SPATA6L: variants seen among roughly 807,000 people sequenced by gnomAD.
The protein encoded by SPATA6L is spermatogenesis associated 6-like protein.
SPATA6L carries 68 observed loss-of-function variants against 49.2 expected under a neutral mutation model. That is an observed-to-expected ratio of 1.38 (90% CI 1.14 to 1.69). The LOEUF is 1.69. SPATA6L is among the 40% of genes most tolerant of loss of function. The probability of loss-of-function intolerance (pLI) is 0.00; values close to 1 mark genes in which losing one functional copy is unlikely to be tolerated. For missense variants in SPATA6L, 668 were observed against 464.3 expected (o/e 1.44, Z -4.03); for synonymous variants, 198 against 165.7 (o/e 1.19, Z -1.50).
At chr9:4,630,064 G>A (rs1468951825) in intron 4 of SPATA6L, among the ~76,000 whole-genome samples, 1 of 151,918 alleles carries the variant, frequency 6.6e-6, no homozygotes, top group Non-Finnish European at 1.5e-5. Flanking sequence ...AAAGGTTACA[G>A]ACTGTATGAT....
intron 9 of SPATA6L, among the ~76,000 whole-genome samples, chr9:4,611,541 C>T (rs1309313009): frequency 5.4e-5 from 8 of 148,508 alleles, no homozygotes; most frequent in African/African-American, 7.8e-5. Flanking sequence ...AGTAAACTAT[C>T]GCAAGAACAA....
chr9:4,659,416 C>A (rs1307344265), intron 2 of SPATA6L, among the ~76,000 whole-genome samples: 3 of 151,728 alleles, frequency 2.0e-5, no homozygotes, highest in African/African-American at 7.3e-5. Flanking sequence ...TGAGTGAACT[C>A]CTATTCACAA....
At position 4,618,896 on chromosome 9, in the gene SPATA6L, A is replaced by C. The variant is rs374786233; in HGVS notation, c.775T>G (p.Ser259Ala). The change falls in exon 8 of 12, where the codon TCT (serine) becomes GCT (alanine). Residue 259 changes from serine to alanine, a missense_variant and splice_region_variant. Physicochemically the swap from Ser to Ala is moderately conservative, Grantham distance 99. Transcript: ENST00000682582. The part of the protein sequence containing the change: ...SDFPFPTRRA[S>A]SLDSLAANVK... Reference sequence around the variant, plus strand: ...TTAGCTGCAAGGCTGTCAAGAGAAGAAGCTAGAAGAAAGAGGAACAGGCAT... The same window carrying C: ...TTAGCTGCAAGGCTGTCAAGAGAAGCAGCTAGAAGAAAGAGGAACAGGCAT... The C allele has an allele frequency of 1.2e-4, 192 of 1,613,272 alleles. No individual in the cohort carries two copies. The highest frequency in any genetic ancestry group is 1.4e-4 in the Non-Finnish European group (171 of 1,179,514).
At chr9:4,660,416 C>G (rs1431138259) in intron 2 of SPATA6L, among the ~76,000 whole-genome samples, 1 of 152,202 alleles carries the variant, frequency 6.6e-6, no homozygotes, top group Non-Finnish European at 1.5e-5. Flanking sequence ...ACACAGCCAA[C>G]AGACACATGA....
rs35908661 is a variant in SPATA6L, at chr9:4,629,769, G to GTATATATATATA, written c.352-613_352-602dup. 9.1e-3 allele frequency among the ~76,000 whole-genome samples: 923 copies of GTATATATATATA among 101,796 alleles called. 17 individuals are homozygous for GTATATATATATA. Among genetic ancestry groups the GTATATATATATA allele is most frequent in the African/African-American group, 0.018 (356 of 20,090 alleles). The allele number at this position is 101,796 out of a possible 152,430, so 66.8% of individuals were successfully genotyped here. On this transcript the variant is annotated intron_variant, in intron 4 of 11. Coordinates refer to ENST00000682582, the MANE Select transcript of SPATA6L (RefSeq NM_001353486.2). ...GTGTTTTATATATGTGTGTGTGTGTGTATATATATATATATATATATATAT... is the reference window on the plus strand; with the variant it reads ...GTGTTTTATATATGTGTGTGTGTGTGTATATATATATATATATATATATATATATATATATAT...
chr9:4,634,321 T>C lies in SPATA6L; in HGVS notation c.351+954A>G, dbSNP rs193035888. Among the ~76,000 whole-genome samples the C allele has an allele frequency of 8.1e-3, 1,235 of 152,352 alleles. 5 individuals are homozygous for C. Among genetic ancestry groups the C allele is most frequent in the Middle Eastern group, 0.014 (4 of 294 alleles). ...TCACATGTACCATGGATTTAAATGA[T>C]ACATGAAGATCTTGGAGAAACAAAG... On this transcript the variant is annotated intron_variant, in intron 4 of 11. Coordinates refer to ENST00000682582, the MANE Select transcript of SPATA6L (RefSeq NM_001353486.2).
At chr9:4,658,144 G>C (rs2130775604) in intron 2 of SPATA6L, among the ~76,000 whole-genome samples, 1 of 152,296 alleles carries the variant, frequency 6.6e-6, no homozygotes, top group African/African-American at 2.4e-5. Flanking sequence ...AGAACAGTGA[G>C]ATGATATGTT....
chr9:4,639,159 C>G (rs1666526538), intron 3 of SPATA6L, among the ~76,000 whole-genome samples: 2 of 152,174 alleles, frequency 1.3e-5, no homozygotes, highest in South Asian at 4.1e-4. Flanking sequence ...CCTACCATTA[C>G]CACGATTGCT....
intron 9 of SPATA6L, among the ~76,000 whole-genome samples, chr9:4,608,944 T>A (rs1023724660): frequency 1.3e-5 from 2 of 151,900 alleles, no homozygotes; most frequent in African/African-American, 4.8e-5. Flanking sequence ...ATAGACGCAA[T>A]ATAAAATGAT....
chr9:4,625,443 G>C lies in SPATA6L; in HGVS notation c.553C>G (p.Arg185Gly), dbSNP rs367658761. ...CTGGTAGAATATTGAGAGGGCGCCC[G>C]GGCTTGCATGCCTTTGGGCAGTCTG... ...LNRLPKGMQA[R>G]APSQYSTRHF... The change falls in exon 6 of 12, where the codon CGG (arginine) becomes GGG (glycine). Residue 185 changes from arginine to glycine, a missense_variant. By Grantham distance (125) the Arg-to-Gly change is moderately radical (BLOSUM62 -2). Coordinates refer to ENST00000682582, the MANE Select transcript of SPATA6L (RefSeq NM_001353486.2). 7.1e-5 allele frequency: 115 copies of C among 1,614,088 alleles called. No individual in the cohort carries two copies. The African/African-American group carries it at 1.0e-3, about 14-fold the overall frequency.
chr9:4,610,871 T>C (rs1826543470), intron 9 of SPATA6L, among the ~76,000 whole-genome samples: 1 of 151,206 alleles, frequency 6.6e-6, no homozygotes, highest in Admixed American at 6.6e-5. Flanking sequence ...ACCTACAAAA[T>C]GGGAGAAAAT....
At chr9:4,629,765 G>GTATA (rs1451733833) in intron 4 of SPATA6L, among the ~76,000 whole-genome samples, 1 of 91,422 alleles carries the variant, frequency 1.1e-5, no homozygotes, top group East Asian at 3.9e-4. Context: ...ATGTGTGTGT[G>GTATA]TGTGTATATA....
chr9:4,655,525 A>G (rs114429482), intron 3 of SPATA6L, among the ~76,000 whole-genome samples: 5,897 of 151,950 alleles, frequency 0.039, 240 homozygotes, highest in African/African-American at 0.081. Context: ...ATCAAAGCCC[A>G]TCTATATTTA....
At chr9:4,627,601 C>A (rs931801349) in intron 5 of SPATA6L, 49 of 479,966 alleles carry the variant, frequency 1.0e-4, no homozygotes, top group Middle Eastern at 7.2e-4. Context: ...CCATCTTGTT[C>A]TAGAAAGGAT....
At chr9:4,635,483 G>T in intron 3 of SPATA6L, 84 bp from the exon 4 acceptor site, 1 of 1,360,426 alleles carries the variant, frequency 7.4e-7, no homozygotes, top group Non-Finnish European at 9.9e-7. Flanking sequence ...GATGATGGCA[G>T]AGATGGCACT....
intron 3 of SPATA6L, among the ~76,000 whole-genome samples, chr9:4,636,754 A>G (rs1832884922): frequency 6.6e-6 from 1 of 152,236 alleles, no homozygotes. Context: ...TTAATGTTTC[A>G]GTTCTACCGA....
chr9:4,664,703 G>A (rs78541815), intron 1 of SPATA6L: 27 of 167,076 alleles, frequency 1.6e-4, no homozygotes, highest in African/African-American at 6.3e-4. Context: ...AAATAGAAAT[G>A]ATTATGGACT....
At chr9:4,604,029 C>G (rs772524554) in intron 11 of SPATA6L, 150 bp downstream of exon 11, 7 of 553,610 alleles carry the variant, frequency 1.3e-5, no homozygotes, top group Non-Finnish European at 1.6e-5. Flanking sequence ...TCATACAGAG[C>G]AAGGGAAGAA....
chr9:4,663,575 G>A, intron 1 of SPATA6L: 1 of 302,470 alleles, frequency 3.3e-6, no homozygotes, highest in Non-Finnish European at 6.5e-6. Flanking sequence ...GTTAAAAGTT[G>A]GTATCAGTAA....
Sources: gnomAD v4.1 joint callset for allele counts (sites outside exome capture counted in the v4.1 genomes callset) on GRCh38, gnomAD v4.1.1 for gene constraint, MANE v1.5 for transcripts, NCBI Gene and HGNC (gene_info 2026-07-23, HGNC 2026-07-21) for gene names.